Variants in CDK20 observed in about 807,000 individuals in gnomAD.
The protein encoded by CDK20 is cyclin-dependent kinase 20.
Under a neutral mutation model 38.6 loss-of-function variants are expected in CDK20, and 40 were observed. The observed-to-expected ratio is 1.04, with a 90% CI of 0.81 to 1.35. The LOEUF (loss-of-function observed/expected upper bound fraction) is 1.35, where lower values mean the gene tolerates loss of function less well. Ranked by LOEUF, CDK20 falls within the 40% of genes most tolerant of loss-of-function variation. The probability of loss-of-function intolerance (pLI) is 0.00; values close to 1 mark genes in which losing one functional copy is unlikely to be tolerated. For missense variants in CDK20, 512 were observed against 452.6 expected, an observed-to-expected ratio of 1.13 and a Z score of -1.19; for synonymous variants, 209 against 185.7, an observed-to-expected ratio of 1.13 and a Z score of -1.02.
At chr9:87,973,853 A>G in intron 2 of CDK20, 69 bp downstream of exon 2, 2 of 1,507,990 alleles carry the variant, frequency 1.3e-6, no homozygotes, top group Non-Finnish European at 1.8e-6. Context: ...AGCTGGGAAA[A>G]TGAAGGCACA....
intron 1 of CDK20, 111 bp from the exon 2 acceptor site, chr9:87,974,146 G>A: frequency 6.4e-7 from 1 of 1,561,510 alleles, no homozygotes; most frequent in Non-Finnish European, 8.7e-7. Context: ...GGCTCGGCCA[G>A]AGGCCCTCCT....
chr9:87,973,770 GT>G (rs1830029142), intron 2 of CDK20, 151 bp downstream of exon 2: 2 of 744,198 alleles, frequency 2.7e-6, no homozygotes, highest in Middle Eastern at 2.6e-4. Flanking sequence ...GCAAAAGGGG[GT>G]AAGGAGGCAG....
rs1829546816 is a variant in CDK20, at chr9:87,967,939, GAGAA to G, written c.844-284_844-281del. On this transcript the variant is annotated intron_variant, in intron 7 of 7. Coordinates refer to ENST00000325303, the MANE Select transcript of CDK20 (RefSeq NM_001039803.3). ...AGATAATGATTAGTGCAGTGGAAGA[GAGAA>G]AGCAAGACAGAGGAATGAGGAATCC... 5 of 307,596 alleles carry G rather than the reference GAGAA, an allele frequency of 1.6e-5. No individual in the cohort carries two copies. In the East Asian group the frequency reaches 2.9e-4, roughly 18 times the overall value. 19.1% of individuals were successfully genotyped at this position (307,596 alleles called of 1,614,324 possible).
rs553453790 is a variant in CDK20 at position 87,968,670 on chromosome 9, C to T, written c.843+524G>A. 6 of 153,682 alleles carry T rather than the reference C, an allele frequency of 3.9e-5. No individual in the cohort carries two copies. The South Asian group carries it at 1.2e-3, about 31-fold the overall frequency. The allele number at this position is 153,682 out of a possible 1,614,324, so 9.5% of individuals were successfully genotyped here. A position where few individuals can be genotyped will look rare whatever the true frequency, so the allele number is the denominator to read the frequency against. ...AGCTTTGCTTGACCCCAAAGTCGGC[C>T]TTGCCTCTCTCCTGGGGCTCCCACA... On this transcript the variant is annotated intron_variant, in intron 7 of 7. Coordinates refer to ENST00000325303, the MANE Select transcript of CDK20 (RefSeq NM_001039803.3).
At position 87,969,854 on chromosome 9, in the gene CDK20, A is replaced by G; in HGVS notation, c.629T>C (p.Ile210Thr). ...GCGAAGCACATAGCAAAGCTGTTCAATATCGTTCTTGCCCGGGAAAAGGGG... is the reference window on the plus strand; with the variant it reads ...GCGAAGCACATAGCAAAGCTGTTCAGTATCGTTCTTGCCCGGGAAAAGGGG... Reference protein sequence around the residue: ...GSPLFPGKNDIEQLCYVLRIL... With the variant: ...GSPLFPGKNDTEQLCYVLRIL... Residue 210 changes from isoleucine (I) to threonine (T), a missense_variant, in exon 6 of 8, where the codon ATT becomes ACT. Ile to Thr is a moderately conservative substitution (Grantham distance 89). Coordinates refer to ENST00000325303, the MANE Select transcript of CDK20 (RefSeq NM_001039803.3). 6.2e-7 allele frequency: 1 copy of G among 1,611,896 alleles called. No individual in the cohort carries two copies. Among genetic ancestry groups the G allele is most frequent in the Non-Finnish European group, 8.5e-7 (1 of 1,178,866 alleles).
intron 5 of CDK20, chr9:87,970,152 G>A (rs572180747): frequency 1.3e-4 from 63 of 466,770 alleles, no homozygotes; most frequent in East Asian, 1.3e-3. Context: ...CACTTCTGGG[G>A]CAGACCTGCA....
In CDK20 at chr9:87,969,921, T is replaced by A; in HGVS notation, c.564-2A>T. ...TCCCCCATGATGCAGCCCACAGACC[T>A]GTGGACACAGAGCCCCAAGCAGGTC... On this transcript the variant is annotated splice_acceptor_variant, in intron 5 of 7. Coordinates refer to ENST00000325303, the MANE Select transcript of CDK20 (RefSeq NM_001039803.3). LOFTEE classifies it high-confidence loss of function. 6.4e-7 allele frequency: 1 copy of A among 1,555,994 alleles called. No homozygotes were observed. Among genetic ancestry groups the A allele is most frequent in the Non-Finnish European group, 8.7e-7 (1 of 1,149,898 alleles).
chr9:87,969,184 C>T lies in CDK20; in HGVS notation c.843+10G>A. 5 of 1,613,414 alleles carry T rather than the reference C, an allele frequency of 3.1e-6. No homozygotes were observed. The highest frequency in any genetic ancestry group is 4.2e-6 in the Non-Finnish European group (5 of 1,179,608). ...GCTGAAGGAGCAGAGACTACAGCCT[C>T]TCCCCCTACCTTGGAAGCTGCGATG... On this transcript the variant is annotated intron_variant, in intron 7 of 7. Transcript: ENST00000325303.
chr9:87,974,110 T>C (rs1329442832), intron 1 of CDK20, 75 bp from the exon 2 acceptor site: 1 of 1,604,946 alleles, frequency 6.2e-7, no homozygotes. Flanking sequence ...GAGGGGAAGG[T>C]GGTTGAGAGA....
chr9:87,973,113 A>G (rs1338915061), intron 2 of CDK20, among the ~76,000 whole-genome samples: 10 of 152,204 alleles, frequency 6.6e-5, no homozygotes, highest in East Asian at 1.9e-4. Flanking sequence ...TTGTCATCCA[A>G]TATATCATGC....
intron 2 of CDK20, among the ~76,000 whole-genome samples, chr9:87,972,993 A>G (rs1829968336): frequency 6.6e-6 from 1 of 152,224 alleles, no homozygotes; most frequent in Non-Finnish European, 1.5e-5. Context: ...AGTCAATCTT[A>G]GAGTGTATTC....
Position 87,970,568 on chromosome 9 carries a change from C to A in CDK20, c.563G>T (p.Trp188Leu). 5 of 1,613,884 alleles carry A rather than the reference C, an allele frequency of 3.1e-6. No individual in the cohort carries two copies. The South Asian group carries it at 4.4e-5, about 14-fold the overall frequency. Reference protein sequence around the residue: ...ARQYDQGVDLWSVGCIMGELL... With the variant: ...ARQYDQGVDLLSVGCIMGELL... The stretch of plus-strand genomic sequence containing the variant: ...CTTTGACCACCCACAGGGGTCTCAC[C>A]ACAGATCGACGCCCTGGTCATACTG... Residue 188 changes from tryptophan to leucine, a missense_variant and splice_region_variant, in exon 5 of 8, where the codon TGG becomes TTG. By Grantham distance (61) the Trp-to-Leu change is moderately conservative. Transcript: ENST00000325303.
rs770298272 is a variant in CDK20, at chr9:87,967,060, T to A, written c.*402A>T. The A allele has an allele frequency of 1.9e-6, 1 of 530,988 alleles. No individual in the cohort carries two copies. Among genetic ancestry groups the A allele is most frequent in the Non-Finnish European group, 3.7e-6 (1 of 268,352 alleles). 32.9% of individuals were successfully genotyped at this position (530,988 alleles called of 1,614,324 possible). On this transcript the variant is annotated 3_prime_UTR_variant, in exon 8 of 8. Transcript: ENST00000325303. ...AACCAAACCAAATCTTCCTTCCACT[T>A]GAGTTTCCAACATAAGGACACCTTA...
Position 87,969,188 on chromosome 9 carries a change from C to T in CDK20, c.843+6G>A, listed in dbSNP as rs368417302. 101 of 1,613,414 alleles carry T rather than the reference C, an allele frequency of 6.3e-5. No homozygotes were observed. Among genetic ancestry groups the T allele is most frequent in the Non-Finnish European group, 8.3e-5 (98 of 1,179,674 alleles). On this transcript the variant is annotated splice_donor_region_variant and intron_variant, in intron 7 of 7. Transcript: ENST00000325303. ...AAGGAGCAGAGACTACAGCCTCTCCCCCTACCTTGGAAGCTGCGATGCGCT... is the reference window on the plus strand; with the variant it reads ...AAGGAGCAGAGACTACAGCCTCTCCTCCTACCTTGGAAGCTGCGATGCGCT...
Position 87,966,882 on chromosome 9 carries a change from C to T in CDK20, c.*580G>A, listed in dbSNP as rs985603592. On this transcript the variant is annotated 3_prime_UTR_variant, in exon 8 of 8. Transcript: ENST00000325303. ...TGGCTATGCCTGGTGCTACCCTCCCCATGACCCCAAAAACGAGAGCCATGA... is the reference window on the plus strand; with the variant it reads ...TGGCTATGCCTGGTGCTACCCTCCCTATGACCCCAAAAACGAGAGCCATGA... 1 of 374,184 alleles carries T rather than the reference C, an allele frequency of 2.7e-6. No homozygotes were observed. The highest frequency in any genetic ancestry group is 5.3e-6 in the Non-Finnish European group (1 of 189,194). 23.2% of individuals were successfully genotyped at this position (374,184 alleles called of 1,614,324 possible). A position where few individuals can be genotyped will look rare whatever the true frequency, so the allele number is the denominator to read the frequency against.
rs1829537149 is a variant in CDK20 at position 87,967,829 on chromosome 9, A to G, written c.844-170T>C. On this transcript the variant is annotated intron_variant, in intron 7 of 7. Coordinates refer to ENST00000325303, the MANE Select transcript of CDK20 (RefSeq NM_001039803.3). ...TCCAGAAGCTGGGAACATAGCCGTTAATAAAACAGACAAAAGCTCTGTTTT... is the reference window on the plus strand; with the variant it reads ...TCCAGAAGCTGGGAACATAGCCGTTGATAAAACAGACAAAAGCTCTGTTTT... 1.2e-5 allele frequency: 7 copies of G among 581,554 alleles called. No individual in the cohort carries two copies. In the South Asian group the frequency reaches 2.1e-4, roughly 17 times the overall value. 36.0% of individuals were successfully genotyped at this position (581,554 alleles called of 1,614,324 possible). A position where few individuals can be genotyped will look rare whatever the true frequency, so the allele number is the denominator to read the frequency against.
chr9:87,974,028 T>C lies in CDK20; in HGVS notation c.83A>G (p.Glu28Gly). The C allele has an allele frequency of 6.2e-7, 1 of 1,614,040 alleles. No homozygotes were observed. The change falls in exon 2 of 8, where the codon GAG (glutamate) becomes GGG (glycine). Residue 28 changes from glutamate to glycine, a missense_variant. By Grantham distance (98) the Glu-to-Gly change is moderately conservative (BLOSUM62 -2). Coordinates refer to ENST00000325303, the MANE Select transcript of CDK20 (RefSeq NM_001039803.3). ...VFKAKHVETG[E>G]IVALKKVALR... is the part of the protein sequence containing the mutation. ...GGCCACCTTCTTGAGGGCAACTATC[T>C]CGCCAGTCTGCAGGATAGAAGGCAG...
intron 2 of CDK20, among the ~76,000 whole-genome samples, chr9:87,973,231 G>A (rs984669449): frequency 6.6e-6 from 1 of 152,118 alleles, no homozygotes; most frequent in Non-Finnish European, 1.5e-5. Context: ...ATGACACTAG[G>A]GGTGAAAGAT....
Position 87,967,651 on chromosome 9 carries a change from G to GTGGCA in CDK20, c.851_852insTGCCA (p.His285AlafsTer24). ...GGGGAGCTGTGAAGAAGTACTGATG[G>GTGGCA]AGGAGAGCCTGAGGGTGGCAAGTAA... On this transcript the variant is annotated frameshift_variant, in exon 8 of 8. Coordinates refer to ENST00000325303, the MANE Select transcript of CDK20 (RefSeq NM_001039803.3). LOFTEE classifies it high-confidence loss of function. The GTGGCA allele has an allele frequency of 1.4e-6, 2 of 1,478,316 alleles. No individual in the cohort carries two copies. The highest frequency in any genetic ancestry group is 1.8e-6 in the Non-Finnish European group (2 of 1,110,894). 91.6% of individuals were successfully genotyped at this position (1,478,316 alleles called of 1,614,324 possible).
Sources: gnomAD v4.1 joint callset for allele counts (sites outside exome capture counted in the v4.1 genomes callset) on GRCh38, gnomAD v4.1.1 for gene constraint, MANE v1.5 for transcripts, NCBI Gene and HGNC (gene_info 2026-07-23, HGNC 2026-07-21) for gene names.